The following KCNK2 variants were observed in gnomAD, a reference collection of about 807,000 sequenced individuals.
KCNK2 encodes the protein potassium channel subfamily K member 2.
KCNK2 carries 21 observed loss-of-function variants against 40.5 expected under a neutral mutation model. That is an observed-to-expected ratio of 0.52 (90% confidence interval 0.37 to 0.75). The LOEUF (loss-of-function observed/expected upper bound fraction) is 0.75. Ranked by LOEUF, KCNK2 falls within the 30% of genes least tolerant of loss-of-function variation. KCNK2 has a pLI of 0.00. For synonymous variants in KCNK2, 191 were observed against 202.2 expected (o/e 0.94, Z 0.47); for missense variants, 399 against 531.6 (o/e 0.75, Z 2.45).
intron 5 of KCNK2, among the ~76,000 whole-genome samples, chr1:215,193,724 A>G (rs548940068): frequency 6.6e-6 from 1 of 152,278 alleles, no homozygotes; most frequent in Non-Finnish European, 1.5e-5. Flanking sequence ...CACAGGACTT[A>G]TCTCCCGAGA....
intron 1 of KCNK2, among the ~76,000 whole-genome samples, chr1:215,023,653 G>A (rs1430057948): frequency 6.6e-6 from 1 of 152,200 alleles, no homozygotes; most frequent in Non-Finnish European, 1.5e-5. Flanking sequence ...CATTGCGTAA[G>A]CACCAAATTC....
chr1:215,209,446 A>T (rs1183241485), intron 6 of KCNK2, among the ~76,000 whole-genome samples: 1 of 32,868 alleles, frequency 3.0e-5, no homozygotes, highest in Non-Finnish European at 4.9e-5. Context: ...AAAATATATA[A>T]TATATATTAT....
chr1:215,051,363 A>T (rs1013196777), intron 1 of KCNK2, among the ~76,000 whole-genome samples: 1 of 152,112 alleles, frequency 6.6e-6, no homozygotes, highest in Non-Finnish European at 1.5e-5. Context: ...GGTTTCATTA[A>T]TTTTTCTCTG....
At chr1:215,204,037 CAAAAAAAAAAAAAAAA>C (rs71167813) in intron 6 of KCNK2, among the ~76,000 whole-genome samples, 1 of 53,178 alleles carries the variant, frequency 1.9e-5, no homozygotes, top group Non-Finnish European at 2.8e-5. Flanking sequence ...GACTCCGTCT[CAAAAAAAAAAAAAAAA>C]AAAAAAAAAA....
chr1:215,042,374 A>T (rs1562994), intron 1 of KCNK2, among the ~76,000 whole-genome samples: 129,745 of 152,076 alleles, frequency 0.85, 55,611 homozygotes, highest in East Asian at 0.99. Context: ...GAGGCCCTGG[A>T]TAAGAAAACA....
chr1:215,215,566 A>C lies in KCNK2; in HGVS notation c.964-19262A>C, dbSNP rs899260533. On this transcript the variant is annotated intron_variant, in intron 6 of 6. Transcript: ENST00000444842. Reference sequence around the variant, plus strand: ...GTCACAGTCCTTGACTTTTCATGGAATATAAGTAGATGCTTTGGACAGCTC... The same window carrying C: ...GTCACAGTCCTTGACTTTTCATGGACTATAAGTAGATGCTTTGGACAGCTC... Among the ~76,000 whole-genome samples the C allele has an allele frequency of 8.5e-5, 13 of 152,142 alleles. 1 individual carries two copies. The highest frequency in any genetic ancestry group is 1.9e-4 in the Non-Finnish European group (13 of 68,024).
At chr1:215,195,719 A>G (rs976516595) in intron 6 of KCNK2, among the ~76,000 whole-genome samples, 1 of 152,178 alleles carries the variant, frequency 6.6e-6, no homozygotes, top group East Asian at 1.9e-4. Context: ...TGAAATTTAA[A>G]TATTGATTTT....
At chr1:215,223,262 A>AAAAAAAAAAAG (rs1491374781) in intron 6 of KCNK2, among the ~76,000 whole-genome samples, 2 of 138,876 alleles carry the variant, frequency 1.4e-5, no homozygotes. Flanking sequence ...AAAAAAAAAA[A>AAAAAAAAAAAG]GTCAAAACTC....
At chr1:215,007,131 G>GTGTATATATATGTA (rs1316733964) in intron 1 of KCNK2, among the ~76,000 whole-genome samples, 2 of 114,930 alleles carry the variant, frequency 1.7e-5, no homozygotes, top group East Asian at 5.1e-4. Flanking sequence ...GTATATATAT[G>GTGTATATATATGTA]TGTATATATA....
At chr1:215,125,694 AACCTGCACGTTGTGC>A (rs1260077014) in intron 3 of KCNK2, among the ~76,000 whole-genome samples, 1 of 150,384 alleles carries the variant, frequency 6.6e-6, no homozygotes, top group African/African-American at 2.4e-5. Context: ...ATATGTAACA[AACCTGCACGTTGTGC>A]ACATGTACCC....
intron 1 of KCNK2, among the ~76,000 whole-genome samples, chr1:215,007,029 A>ATATATGTGTGTGTGTG (rs1553254668): frequency 5.7e-4 from 39 of 68,398 alleles, no homozygotes; most frequent in Admixed American, 2.5e-3. Flanking sequence ...ATATATATAT[A>ATATATGTGTGTGTGTG]TATATATATG....
intron 6 of KCNK2, among the ~76,000 whole-genome samples, chr1:215,220,955 A>G (rs563159207): frequency 1.3e-5 from 2 of 152,338 alleles, no homozygotes; most frequent in African/African-American, 4.8e-5. Context: ...AGACAGTGGT[A>G]CTTGTAGAGT....
chr1:215,173,334 A>T (rs368185961), intron 5 of KCNK2, among the ~76,000 whole-genome samples: 2 of 152,098 alleles, frequency 1.3e-5, no homozygotes, highest in Admixed American at 1.3e-4. Context: ...ATTCCATGGT[A>T]TATATGTGCC....
intron 5 of KCNK2, among the ~76,000 whole-genome samples, chr1:215,193,349 T>TA (rs1192815394): frequency 2.0e-5 from 3 of 152,148 alleles, no homozygotes; most frequent in Non-Finnish European, 4.4e-5. Flanking sequence ...TCTGCCCTGT[T>TA]CTATTAAGTG....
intron 2 of KCNK2, among the ~76,000 whole-genome samples, chr1:215,089,421 A>G (rs1659599651): frequency 6.6e-6 from 1 of 152,298 alleles, no homozygotes; most frequent in East Asian, 1.9e-4. Flanking sequence ...CAGAGGAGGA[A>G]GTGAGTGGTC....
chr1:215,226,396 G>T lies in KCNK2; in HGVS notation c.964-8432G>T, dbSNP rs142017054. 7.2e-4 allele frequency among the ~76,000 whole-genome samples: 110 copies of T among 152,248 alleles called. 1 individual carries two copies. Among genetic ancestry groups the T allele is most frequent in the African/African-American group, 2.6e-3 (107 of 41,556 alleles). Reference sequence around the variant, plus strand: ...GCTGGAGCGCAGTGGCGTGATCTCGGCTCACTGTAACCTCCGCCTCCCGGG... The same window carrying T: ...GCTGGAGCGCAGTGGCGTGATCTCGTCTCACTGTAACCTCCGCCTCCCGGG... On this transcript the variant is annotated intron_variant, in intron 6 of 6. Transcript: ENST00000444842.
At chr1:215,044,541 T>C (rs1291523138) in intron 1 of KCNK2, among the ~76,000 whole-genome samples, 5 of 152,142 alleles carry the variant, frequency 3.3e-5, no homozygotes, top group African/African-American at 9.7e-5. Flanking sequence ...AATACCTATA[T>C]TATAGGTAGA....
At chr1:215,120,574 A>G (rs1661145124) in intron 2 of KCNK2, among the ~76,000 whole-genome samples, 1 of 152,092 alleles carries the variant, frequency 6.6e-6, no homozygotes, top group Non-Finnish European at 1.5e-5. Context: ...AACCTAGATG[A>G]CCCTGTACCT....
chr1:215,086,662 T>A lies in KCNK2; in HGVS notation c.341T>A (p.Leu114Gln), dbSNP rs1468994651. The change falls in exon 2 of 7, where the codon CTG (leucine) becomes CAG (glutamine). Residue 114 changes from leucine (L) to glutamine (Q), a missense_variant. Coordinates refer to ENST00000444842, the MANE Select transcript of KCNK2 (RefSeq NM_001017425.3). ...CATTCCTGTGTCAATTCGACGGAGC[T>A]GGATGAACTCATTCAGGTAATGGCA... ...SQHSCVNSTE[L>Q]DELIQQIVAA... 6.2e-7 allele frequency: 1 copy of A among 1,613,636 alleles called. No individual in the cohort carries two copies. Among genetic ancestry groups the A allele is most frequent in the Non-Finnish European group, 8.5e-7 (1 of 1,179,688 alleles).
Sources: gnomAD v4.1 joint callset for allele counts (sites outside exome capture counted in the v4.1 genomes callset) on GRCh38, gnomAD v4.1.1 for gene constraint, MANE v1.5 for transcripts, NCBI Gene and HGNC (gene_info 2026-07-23, HGNC 2026-07-21) for gene names.